Variants in CD274 observed in about 807,000 individuals in gnomAD.
CD274 encodes programmed cell death 1 ligand 1.
Under a neutral mutation model 30.1 loss-of-function variants are expected in CD274, and 8 were observed. That is an observed-to-expected ratio of 0.27 (90% CI 0.16 to 0.48). The LOEUF is 0.48. Ranked by LOEUF, CD274 falls within the 20% of genes least tolerant of loss-of-function variation. CD274 has a pLI of 0.99. For synonymous variants in CD274, 152 were observed against 124.6 expected (o/e 1.22, Z -1.46); for missense variants, 353 against 346.6 (o/e 1.02, Z -0.15).
At chr9:5,464,173 T>A (rs1819457592) in intron 4 of CD274, among the ~76,000 whole-genome samples, 1 of 152,168 alleles carries the variant, frequency 6.6e-6, no homozygotes, top group Non-Finnish European at 1.5e-5. Context: ...GTACGAGTCC[T>A]CAGGTATTGA....
chr9:5,460,247 C>T (rs2131218287), intron 3 of CD274, among the ~76,000 whole-genome samples: 1 of 152,236 alleles, frequency 6.6e-6, no homozygotes, highest in East Asian at 1.9e-4. Context: ...GAACTGTTAG[C>T]AGCTTCTAAA....
chr9:5,458,860 C>T (rs930352371), intron 3 of CD274, among the ~76,000 whole-genome samples: 5 of 152,150 alleles, frequency 3.3e-5, no homozygotes, highest in African/African-American at 1.2e-4. Context: ...AAATATCAGG[C>T]ATCTACTGTG....
At chr9:5,462,036 T>C (rs144105575) in intron 3 of CD274, among the ~76,000 whole-genome samples, 202 of 152,306 alleles carry the variant, frequency 1.3e-3, no homozygotes, top group African/African-American at 4.0e-3. Context: ...TAATGTAAGA[T>C]ACTAACAATA....
intron 3 of CD274, among the ~76,000 whole-genome samples, chr9:5,457,982 G>T (rs1451430700): frequency 1.3e-5 from 2 of 152,104 alleles, no homozygotes; most frequent in African/African-American, 4.8e-5. Flanking sequence ...GTCACCCTAT[G>T]AAGACAAAAA....
At chr9:5,460,776 G>C (rs988394030) in intron 3 of CD274, among the ~76,000 whole-genome samples, 1 of 151,852 alleles carries the variant, frequency 6.6e-6, no homozygotes, top group African/African-American at 2.4e-5. Flanking sequence ...TAGTGTTCTG[G>C]GTCTGCAAAA....
In CD274 at chr9:5,457,144, T is replaced by A. The variant is rs2131211347; in HGVS notation, c.118T>A (p.Cys40Ser). Reference sequence around the variant, plus strand: ...GTATGGTAGCAATATGACAATTGAATGCAAATTCCCAGTAGAAAAACAATT... The same window carrying A: ...GTATGGTAGCAATATGACAATTGAAAGCAAATTCCCAGTAGAAAAACAATT... The part of the protein sequence containing the change: ...VEYGSNMTIE[C>S]KFPVEKQLDL... Residue 40 changes from cysteine (C) to serine (S), a missense_variant, in exon 3 of 7, where the codon TGC (cysteine) becomes AGC (serine). Coordinates refer to ENST00000381577, the MANE Select transcript of CD274 (RefSeq NM_014143.4). The A allele has an allele frequency of 6.2e-7, 1 of 1,614,064 alleles. No homozygotes were observed. Among genetic ancestry groups the A allele is most frequent in the Non-Finnish European group, 8.5e-7 (1 of 1,179,918 alleles).
intron 4 of CD274, among the ~76,000 whole-genome samples, chr9:5,464,990 G>A (rs1172337530): frequency 6.6e-6 from 1 of 151,868 alleles, no homozygotes; most frequent in Non-Finnish European, 1.5e-5. Context: ...GGGAGACTGA[G>A]GCACAAGAAT....
chr9:5,452,360 T>A (rs1819222381), intron 1 of CD274, among the ~76,000 whole-genome samples: 1 of 152,154 alleles, frequency 6.6e-6, no homozygotes, highest in Non-Finnish European at 1.5e-5. Context: ...ATCCTACCCT[T>A]GGAAGATAGA....
At chr9:5,451,291 TA>T (rs895715974) in intron 1 of CD274, among the ~76,000 whole-genome samples, 2 of 152,186 alleles carry the variant, frequency 1.3e-5, no homozygotes, top group Admixed American at 6.5e-5. Flanking sequence ...AATAACCTTC[TA>T]AAAAATGTTT....
At position 5,468,307 on chromosome 9, in the gene CD274, T is replaced by C. The variant is rs1357665992; in HGVS notation, c.*445T>C. 4.1e-6 allele frequency: 1 copy of C among 242,204 alleles called. No individual in the cohort carries two copies. The highest frequency in any genetic ancestry group is 5.5e-5 in the Admixed American group (1 of 18,192). The allele number at this position is 242,204 out of a possible 1,614,324, so 15.0% of individuals were successfully genotyped here. A position where few individuals can be genotyped will look rare whatever the true frequency, so the allele number is the denominator to read the frequency against. On this transcript the variant is annotated 3_prime_UTR_variant, in exon 7 of 7. Transcript: ENST00000381577. Reference sequence around the variant, plus strand: ...GTGTTGGAACGGGACAGTATTTATGTATGAGTTTTTCCTATTTATTTTGAG... The same window carrying C: ...GTGTTGGAACGGGACAGTATTTATGCATGAGTTTTTCCTATTTATTTTGAG...
chr9:5,455,889 T>C (rs1297688924), intron 1 of CD274, among the ~76,000 whole-genome samples: 1 of 148,982 alleles, frequency 6.7e-6, no homozygotes, highest in Non-Finnish European at 1.5e-5. Context: ...TCTCATCTTT[T>C]AGTAACTTTT....
rs866049770 is a variant in CD274, at chr9:5,468,106, G to A, written c.*244G>A. On this transcript the variant is annotated 3_prime_UTR_variant, in exon 7 of 7. Coordinates refer to ENST00000381577, the MANE Select transcript of CD274 (RefSeq NM_014143.4). The stretch of plus-strand genomic sequence containing the variant: ...CTTTCAAATGCCTGAGGGGCTCATC[G>A]ACGCCTGTGACAGGGAGAAAGGATA... 7.6e-6 allele frequency: 4 copies of A among 526,428 alleles called. No homozygotes were observed. The highest frequency in any genetic ancestry group is 1.9e-5 in the African/African-American group (1 of 52,212). The allele number at this position is 526,428 out of a possible 1,614,324, so 32.6% of individuals were successfully genotyped here.
In CD274 at chr9:5,470,137, GACAAGGAGTACCT is replaced by G; in HGVS notation, c.*2276_*2288del. On this transcript the variant is annotated 3_prime_UTR_variant, in exon 7 of 7. Transcript: ENST00000381577. Reference sequence around the variant, plus strand: ...CTCTTGGCCATATTCTGGTGTCAATGACAAGGAGTACCTTGGCTTTGCCACATGTCAAGGCTGA... The same window carrying G: ...CTCTTGGCCATATTCTGGTGTCAATGTGGCTTTGCCACATGTCAAGGCTGA... 1 of 233,068 alleles carries G rather than the reference GACAAGGAGTACCT, an allele frequency of 4.3e-6. No homozygotes were observed. The highest frequency in any genetic ancestry group is 5.6e-5 in the Admixed American group (1 of 17,800). The allele number at this position is 233,068 out of a possible 1,614,324, so 14.4% of individuals were successfully genotyped here.
intron 3 of CD274, among the ~76,000 whole-genome samples, chr9:5,459,839 G>C (rs530080709): frequency 2.6e-4 from 40 of 152,052 alleles, no homozygotes; most frequent in African/African-American, 9.7e-4. Flanking sequence ...TAGTTGTCCC[G>C]ATAAAGCTAT....
chr9:5,454,248 C>A (rs1470588732), intron 1 of CD274, among the ~76,000 whole-genome samples: 1 of 151,506 alleles, frequency 6.6e-6, no homozygotes, highest in Non-Finnish European at 1.5e-5. Flanking sequence ...CACAGAACAC[C>A]AAAAAAAATC....
rs538865138 is a variant in CD274, at chr9:5,452,142, G to A, written c.-15+1546G>A. ...AGTGATTCTCCTGCCTCAGCCTCCC[G>A]AGTAGCTGGGACTACAGGCACCTGC... On this transcript the variant is annotated intron_variant, in intron 1 of 6. Coordinates refer to ENST00000381577, the MANE Select transcript of CD274 (RefSeq NM_014143.4). Among the ~76,000 whole-genome samples the A allele has an allele frequency of 3.2e-4, 48 of 148,312 alleles. No individual in the cohort carries two copies. In the South Asian group the frequency reaches 9.6e-3, roughly 30 times the overall value.
chr9:5,465,794 G>A (rs1819488978), intron 5 of CD274, 188 bp downstream of exon 5: 3 of 478,846 alleles, frequency 6.3e-6, no homozygotes, highest in Non-Finnish European at 1.1e-5. Flanking sequence ...GTGAGGGGCA[G>A]GAGAATGGGT....
intron 3 of CD274, among the ~76,000 whole-genome samples, chr9:5,461,378 C>A (rs981063331): frequency 2.0e-5 from 3 of 152,104 alleles, no homozygotes; most frequent in African/African-American, 7.2e-5. Flanking sequence ...TCCGTAGCTA[C>A]CCCAAAGCAA....
intron 3 of CD274, 78 bp from the exon 4 acceptor site, chr9:5,462,756 C>A: frequency 1.5e-6 from 2 of 1,342,324 alleles, no homozygotes; most frequent in East Asian, 4.6e-5. Context: ...GATACTCTTT[C>A]TAATGTGGAC....
Sources: allele counts gnomAD v4.1 joint callset (sites outside exome capture counted in the v4.1 genomes callset), GRCh38; gene constraint gnomAD v4.1.1; transcripts MANE v1.5; gene names NCBI Gene and HGNC (gene_info 2026-07-23, HGNC 2026-07-21).